Variants in DNAAF10 observed in about 807,000 individuals in gnomAD.
DNAAF10 encodes the protein dynein axonemal assembly factor 10, also known as WD repeat domain 92.
In DNAAF10, 28 loss-of-function variants were observed where a neutral mutation model predicts 43.7. That is an observed-to-expected ratio of 0.64 (90% CI 0.48 to 0.88). The LOEUF (loss-of-function observed/expected upper bound fraction) is 0.88. DNAAF10 is among the 40% of genes least tolerant of loss of function. The pLI, the probability that DNAAF10 is intolerant of heterozygous loss-of-function variation, is 0.00. For synonymous variants in DNAAF10, 156 were observed against 157.3 expected, an observed-to-expected ratio of 0.99 and a Z score of 0.06; for missense variants, 403 against 439.1, an observed-to-expected ratio of 0.92 and a Z score of 0.73.
intron 6 of DNAAF10, 99 bp from the exon 7 acceptor site, chr2:68,134,898 G>T: frequency 7.6e-7 from 1 of 1,307,882 alleles, no homozygotes; most frequent in Non-Finnish European, 1.1e-6. Context: ...TAATTTCAAT[G>T]GTTATAAAAG....
intron 1 of DNAAF10, 187 bp downstream of exon 1, chr2:68,157,074 C>T (rs1673640604): frequency 1.2e-6 from 1 of 842,284 alleles, no homozygotes; most frequent in African/African-American, 1.7e-5. Context: ...GGAGGAACTA[C>T]CCCGCGGATG....
At position 68,144,818 on chromosome 2, in the gene DNAAF10, A is replaced by G. The variant is rs1340301604; in HGVS notation, c.285-103T>C. The stretch of plus-strand genomic sequence containing the variant: ...ATAGTTAGATTTTTTCTGTATAGAA[A>G]TTAAGGTTTTGCTATGAAGATAGTT... On this transcript the variant is annotated intron_variant, in intron 2 of 7. Transcript: ENST00000295121. 6 of 1,414,900 alleles carry G rather than the reference A, an allele frequency of 4.2e-6. 1 individual carries two copies. Among genetic ancestry groups the G allele is most frequent in the Admixed American group, 5.3e-5 (2 of 37,766 alleles). 87.6% of individuals were successfully genotyped at this position (1,414,900 alleles called of 1,614,324 possible).
At chr2:68,152,778 A>T (rs1346999720) in intron 1 of DNAAF10, among the ~76,000 whole-genome samples, 1 of 152,242 alleles carries the variant, frequency 6.6e-6, no homozygotes, top group East Asian at 1.9e-4. Context: ...AGTTAAAATG[A>T]TTAAAGAAGC....
intron 1 of DNAAF10, among the ~76,000 whole-genome samples, chr2:68,153,893 A>G (rs936345874): frequency 2.6e-5 from 4 of 151,458 alleles, no homozygotes; most frequent in African/African-American, 9.7e-5. Context: ...CTGGGTTTAC[A>G]GGCACGCACC....
intron 7 of DNAAF10, 154 bp downstream of exon 7, chr2:68,134,548 G>C: frequency 6.7e-7 from 1 of 1,485,254 alleles, no homozygotes; most frequent in Non-Finnish European, 8.9e-7. Flanking sequence ...CATACAAAAT[G>C]CTTAGAAAAC....
chr2:68,134,495 C>G, intron 7 of DNAAF10: 5 of 1,367,528 alleles, frequency 3.7e-6, no homozygotes, highest in Non-Finnish European at 4.7e-6. Context: ...TAAAATGTAT[C>G]AAAAGAAGAT....
chr2:68,147,714 C>T, intron 1 of DNAAF10, 147 bp from the exon 2 acceptor site: 1 of 564,138 alleles, frequency 1.8e-6, no homozygotes, highest in East Asian at 3.5e-5. Flanking sequence ...AATAATCTTG[C>T]TTTTTCCTTT....
At chr2:68,144,760 T>A in intron 2 of DNAAF10, 45 bp from the exon 3 acceptor site, 1 of 1,572,378 alleles carries the variant, frequency 6.4e-7, no homozygotes, top group South Asian at 1.2e-5. Flanking sequence ...CCCAAACATA[T>A]AAGTCTACTA....
rs1035204595 is a variant in DNAAF10 at position 68,134,715 on chromosome 2, G to T, written c.853C>A (p.His285Asn). Residue 285 changes from histidine to asparagine, a missense_variant, in exon 7 of 8, where the codon CAC becomes AAC. By Grantham distance (68) the His-to-Asn change is moderately conservative (BLOSUM62 1). Transcript: ENST00000295121. Reference protein sequence around the residue: ...FLTAGGAGGLHLWKYEYPIQR... With the variant: ...FLTAGGAGGLNLWKYEYPIQR... ...TGGCAGACTTACTACTTCCAGAGGT[G>T]AAGGCCGCCGGCGCCTCCAGCTGTC... is the stretch of plus-strand genomic sequence containing the variant. The T allele has an allele frequency of 8.1e-6, 13 of 1,609,586 alleles. No individual in the cohort carries two copies. In the Admixed American group the frequency reaches 1.5e-4, roughly 19 times the overall value.
intron 1 of DNAAF10, among the ~76,000 whole-genome samples, chr2:68,155,598 C>T (rs367770547): frequency 2.0e-5 from 3 of 152,048 alleles, no homozygotes; most frequent in East Asian, 3.9e-4. Flanking sequence ...GAGGGAGAGG[C>T]GGGAGGATGG....
chr2:68,146,070 T>C (rs1246702316), intron 2 of DNAAF10, among the ~76,000 whole-genome samples: 1 of 152,180 alleles, frequency 6.6e-6, no homozygotes, highest in Non-Finnish European at 1.5e-5. Context: ...GAGACTAGCC[T>C]GGCCAACATG....
intron 3 of DNAAF10, among the ~76,000 whole-genome samples, chr2:68,143,426 G>A (rs973867724): frequency 1.3e-5 from 2 of 152,038 alleles, no homozygotes; most frequent in African/African-American, 2.4e-5. Flanking sequence ...CAAGTTATCC[G>A]CCCGCCTCAG....
At chr2:68,154,581 A>T (rs1173124874) in intron 1 of DNAAF10, among the ~76,000 whole-genome samples, 1 of 152,082 alleles carries the variant, frequency 6.6e-6, no homozygotes, top group Admixed American at 6.6e-5. Flanking sequence ...TGGCATTGAG[A>T]TTATGGGTGA....
chr2:68,146,060 G>A (rs1161673973), intron 2 of DNAAF10, among the ~76,000 whole-genome samples: 1 of 152,084 alleles, frequency 6.6e-6, no homozygotes, highest in Non-Finnish European at 1.5e-5. Context: ...TCAGGAGTTC[G>A]AGACTAGCCT....
chr2:68,140,979 A>T (rs1206113086), intron 4 of DNAAF10, among the ~76,000 whole-genome samples: 1 of 152,136 alleles, frequency 6.6e-6, no homozygotes, highest in East Asian at 1.9e-4. Flanking sequence ...ATACGGGAGG[A>T]TGTGTTAAAC....
At position 68,141,711 on chromosome 2, in the gene DNAAF10, C is replaced by T; in HGVS notation, c.500G>A (p.Cys167Tyr). The T allele has an allele frequency of 1.9e-6, 3 of 1,614,040 alleles. No homozygotes were observed. The highest frequency in any genetic ancestry group is 2.2e-5 in the East Asian group (1 of 44,866). Residue 167 changes from cysteine (C) to tyrosine (Y), a missense_variant, in exon 4 of 8, where the codon TGT (cysteine) becomes TAT (tyrosine). Coordinates refer to ENST00000295121, the MANE Select transcript of DNAAF10 (RefSeq NM_138458.4). ...EPVQGENKRD[C>Y]WTVAFGNAYN... ...TAATTTACCAAATGCCACAGTCCAACAGTCTCTCTTGTTTTCTCCTTGTAC... is the reference window on the plus strand; with the variant it reads ...TAATTTACCAAATGCCACAGTCCAATAGTCTCTCTTGTTTTCTCCTTGTAC...
Position 68,141,766 on chromosome 2 carries a change from T to G in DNAAF10, c.445A>C (p.Lys149Gln). Residue 149 changes from lysine (K) to glutamine (Q), a missense_variant, in exon 4 of 8, where the codon AAA becomes CAA. Lys to Gln is a moderately conservative substitution (Grantham distance 53). Coordinates refer to ENST00000295121, the MANE Select transcript of DNAAF10 (RefSeq NM_138458.4). ...GTVKVWDPRQ[K>Q]DDPVANMEPV... ...TCCATATTAGCAACAGGATCATCTT[T>G]TTGCCTTGGGTCCCACACCTTCACA... 1.2e-6 allele frequency: 2 copies of G among 1,614,166 alleles called. No homozygotes were observed. The highest frequency in any genetic ancestry group is 1.7e-6 in the Non-Finnish European group (2 of 1,180,016).
At position 68,144,758 on chromosome 2, in the gene DNAAF10, T is replaced by C. The variant is rs372940451; in HGVS notation, c.285-43A>G. On this transcript the variant is annotated intron_variant, in intron 2 of 7. Transcript: ENST00000295121. ...CTTCTTACACCACATATCCCAAACA[T>C]ATAAGTCTACTACTGAAATTCAAAA... 6 of 1,573,626 alleles carry C rather than the reference T, an allele frequency of 3.8e-6. No individual in the cohort carries two copies. In the African/African-American group the frequency reaches 8.3e-5, roughly 22 times the overall value.
In DNAAF10 at chr2:68,157,271, A is replaced by T; in HGVS notation, c.173T>A (p.Leu58Gln). The change falls in exon 1 of 8, where the codon CTG becomes CAG. Residue 58 changes from leucine (L) to glutamine (Q), a missense_variant. By Grantham distance (113) the Leu-to-Gln change is moderately radical. Transcript: ENST00000295121. Reference sequence around the variant, plus strand: ...CGACCCGGCACCCACCTCCCGAAGCAGCTTCAGGTCCCCGTGCTGGATCTC... The same window carrying T: ...CGACCCGGCACCCACCTCCCGAAGCTGCTTCAGGTCCCCGTGCTGGATCTC... Reference protein sequence around the residue: ...LYEIQHGDLKLLREIEKAKPI... With the variant: ...LYEIQHGDLKQLREIEKAKPI... 1 of 1,613,456 alleles carries T rather than the reference A, an allele frequency of 6.2e-7. No individual in the cohort carries two copies. Among genetic ancestry groups the T allele is most frequent in the South Asian group, 1.1e-5 (1 of 91,034 alleles).
Sources: allele counts gnomAD v4.1 joint callset (sites outside exome capture counted in the v4.1 genomes callset), GRCh38; gene constraint gnomAD v4.1.1; transcripts MANE v1.5; gene names NCBI Gene and HGNC (gene_info 2026-07-23, HGNC 2026-07-21).